Variants in GPRIN1 observed in about 807,000 individuals in gnomAD.
GPRIN1 encodes the protein G protein-regulated inducer of neurite outgrowth 1.
In GPRIN1, 4 loss-of-function variants were observed where a neutral mutation model predicts 2.8. The ratio of observed to expected loss-of-function variants is 1.45; its 90% CI spans 0.71 to 3.32. GPRIN1 has a LOEUF of 3.32. Ranked by LOEUF, GPRIN1 falls within the 30% of genes most tolerant of loss-of-function variation. The probability of loss-of-function intolerance (pLI) is 0.01; values close to 1 mark genes in which losing one functional copy is unlikely to be tolerated. For synonymous variants in GPRIN1, 589 were observed against 589.9 expected, an observed-to-expected ratio of 1.00 and a Z score of 0.02; for missense variants, 1,322 against 1,343.4, an observed-to-expected ratio of 0.98 and a Z score of 0.25.
Position 176,597,690 on chromosome 5 carries a change from C to T in GPRIN1, c.2145G>A (p.Leu715=), listed in dbSNP as rs1425366407. 2 of 1,595,766 alleles carry T rather than the reference C, an allele frequency of 1.3e-6. No individual in the cohort carries two copies. Among genetic ancestry groups the T allele is most frequent in the African/African-American group, 1.3e-5 (1 of 74,304 alleles). ...PSLGKVVPLS[L]EKTKPSSSSR... ...AGGAGGAGGACGGCTTGGTCTTCTC[C>T]AGACTCAGGGGGACCACCTTCCCCA... The change falls in exon 2 of 2, where the codon CTG becomes CTA. Residue 715 remains leucine (L), a synonymous_variant. Transcript: ENST00000303991. This position sits in a 1 kb window ranked among gnomAD's most constrained non-coding sequence, Gnocchi z 6.1.
rs186707193 is a variant in GPRIN1, at chr5:176,598,849, T to C, written c.986A>G (p.Asn329Ser). The part of the protein sequence containing the change: ...GKLIPGSSGK[N>S]GPVSSGTGAP... ...CCCGGTCCCAGAGGATACAGGCCCA[T>C]TCTTGCCTGATGAGCCTGGAATCAG... The change falls in exon 2 of 2, where the codon AAT becomes AGT. Residue 329 changes from asparagine to serine, a missense_variant. This residue lies in a region of GPRIN1 where 1,117 missense variants were observed against 1,128.6 expected (regional missense o/e 0.99). Transcript: ENST00000303991. 5.6e-6 allele frequency: 9 copies of C among 1,613,594 alleles called. No individual in the cohort carries two copies. The East Asian group carries it at 1.8e-4, about 32-fold the overall frequency.
At chr5:176,603,038 C>A (rs1581158403) in intron 1 of GPRIN1, among the ~76,000 whole-genome samples, 1 of 151,688 alleles carries the variant, frequency 6.6e-6, no homozygotes, top group Non-Finnish European at 1.5e-5. Flanking sequence ...CTTTGTGCGC[C>A]CCTTTGTGAT....
intron 1 of GPRIN1, among the ~76,000 whole-genome samples, chr5:176,607,687 G>T (rs888942399): frequency 3.3e-5 from 5 of 151,914 alleles, no homozygotes; most frequent in Admixed American, 6.6e-5. Flanking sequence ...ATCTCATGAG[G>T]GGGGCATTAT....
chr5:176,606,174 C>T (rs1051985567), intron 1 of GPRIN1, among the ~76,000 whole-genome samples: 1 of 152,190 alleles, frequency 6.6e-6, no homozygotes, highest in Non-Finnish European at 1.5e-5. Flanking sequence ...GAACCCACCT[C>T]CTGCTCCCCC....
Position 176,597,152 on chromosome 5 carries a change from A to G in GPRIN1, c.2683T>C (p.Ser895Pro). Reference sequence around the variant, plus strand: ...GGCGCTACAGCGGCCGCCAGCGCTGAGCCGGGCCGCACCCGCACTTCGGGG... The same window carrying G: ...GGCGCTACAGCGGCCGCCAGCGCTGGGCCGGGCCGCACCCGCACTTCGGGG... ...AFPEVRVRPG[S>P]ALAAAVAPPE... Residue 895 changes from serine (S) to proline (P), a missense_variant, in exon 2 of 2, where the codon TCA becomes CCA. Ser to Pro is a moderately conservative substitution (Grantham distance 74, BLOSUM62 -1). Coordinates refer to ENST00000303991, the MANE Select transcript of GPRIN1 (RefSeq NM_052899.3). This position sits in a 1 kb window ranked among gnomAD's most constrained non-coding sequence, Gnocchi z 6.1. 7.0e-7 allele frequency: 1 copy of G among 1,418,954 alleles called. No individual in the cohort carries two copies. The highest frequency in any genetic ancestry group is 9.2e-7 in the Non-Finnish European group (1 of 1,082,962). The allele number at this position is 1,418,954 out of a possible 1,614,324, so 87.9% of individuals were successfully genotyped here. A position where few individuals can be genotyped will look rare whatever the true frequency, so the allele number is the denominator to read the frequency against.
chr5:176,599,623 T>C lies in GPRIN1; in HGVS notation c.212A>G (p.His71Arg). 1.3e-6 allele frequency: 2 copies of C among 1,539,616 alleles called. No homozygotes were observed. The highest frequency in any genetic ancestry group is 2.2e-5 in the Admixed American group (1 of 46,460). ...TTCCCCAGCCCCACTGGGGCTTCTG[T>C]GTCTAGACTCCATGCCTGGGCTTTG... ...PDQSPGMESR[H>R]RSPSGAGEGA... The change falls in exon 2 of 2, where the codon CAC becomes CGC. Residue 71 changes from histidine (H) to arginine (R), a missense_variant. This residue lies in a region of GPRIN1 where 1,117 missense variants were observed against 1,128.6 expected (regional missense o/e 0.99). Coordinates refer to ENST00000303991, the MANE Select transcript of GPRIN1 (RefSeq NM_052899.3).
At position 176,597,142 on chromosome 5, in the gene GPRIN1, G is replaced by A; in HGVS notation, c.2693C>T (p.Ala898Val). ...CGGCTCCGGGGGCGCTACAGCGGCCGCCAGCGCTGAGCCGGGCCGCACCCG... is the reference window on the plus strand; with the variant it reads ...CGGCTCCGGGGGCGCTACAGCGGCCACCAGCGCTGAGCCGGGCCGCACCCG... ...EVRVRPGSAL[A>V]AAVAPPEPAE... The change falls in exon 2 of 2, where the codon GCG (alanine) becomes GTG (valine). Residue 898 changes from alanine to valine, a missense_variant. This residue lies in a region of GPRIN1 where 196 missense variants were observed against 189.2 expected (regional missense o/e 1.04). Coordinates refer to ENST00000303991, the MANE Select transcript of GPRIN1 (RefSeq NM_052899.3). This position sits in a 1 kb window ranked among gnomAD's most constrained non-coding sequence, Gnocchi z 6.1. The A allele has an allele frequency of 2.8e-6, 4 of 1,450,240 alleles. No homozygotes were observed. Among genetic ancestry groups the A allele is most frequent in the Non-Finnish European group, 3.6e-6 (4 of 1,098,110 alleles). 89.8% of individuals were successfully genotyped at this position (1,450,240 alleles called of 1,614,324 possible). A position where few individuals can be genotyped will look rare whatever the true frequency, so the allele number is the denominator to read the frequency against.
rs1561886144 is a variant in GPRIN1 at position 176,597,784 on chromosome 5, CCT to C, written c.2049_2050del (p.Gly684GlufsTer61). On this transcript the variant is annotated frameshift_variant, in exon 2 of 2. Transcript: ENST00000303991. LOFTEE classifies it low-confidence loss of function (END_TRUNC). This position sits in a 1 kb window ranked among gnomAD's most constrained non-coding sequence, Gnocchi z 6.1. ...CCCCAGGGACACAGGCTCTCCCTTC[CCT>C]GAGGCAAGGGGCTCTGCTTTTCTGC... 6.2e-7 allele frequency: 1 copy of C among 1,604,754 alleles called. No individual in the cohort carries two copies. The highest frequency in any genetic ancestry group is 8.5e-7 in the Non-Finnish European group (1 of 1,175,352).
Position 176,596,793 on chromosome 5 carries a change from C to T in GPRIN1, c.*15G>A. The T allele has an allele frequency of 7.0e-7, 1 of 1,425,132 alleles. No individual in the cohort carries two copies. The highest frequency in any genetic ancestry group is 2.5e-5 in the Admixed American group (1 of 39,826). 88.3% of individuals were successfully genotyped at this position (1,425,132 alleles called of 1,614,324 possible). ...TGAGAAGGTCGGAAACTCGGGCGTA[C>T]AAAATGGGGGCAGATCACTCGGCCG... On this transcript the variant is annotated 3_prime_UTR_variant, in exon 2 of 2. Transcript: ENST00000303991. The surrounding 1 kb of genome is among the most constrained non-coding windows in gnomAD (Gnocchi z 5.2).
At position 176,599,754 on chromosome 5, in the gene GPRIN1, G is replaced by T. The variant is rs370708910; in HGVS notation, c.81C>A (p.Phe27Leu). 7 of 1,533,968 alleles carry T rather than the reference G, an allele frequency of 4.6e-6. No homozygotes were observed. The highest frequency in any genetic ancestry group is 6.1e-6 in the Non-Finnish European group (7 of 1,140,670). The change falls in exon 2 of 2, where the codon TTC (phenylalanine) becomes TTA (leucine). Residue 27 changes from phenylalanine (F) to leucine (L), a missense_variant. Physicochemically the swap from Phe to Leu is conservative, Grantham distance 22. Coordinates refer to ENST00000303991, the MANE Select transcript of GPRIN1 (RefSeq NM_052899.3). ...CCAGGCTCCCATCCTGTGGGCAGAA[G>T]AAGGCTGTGGGTCGGGGTCCTGGGG... ...SSPPGPRPTA[F>L]FCPQDGSLGA...
At position 176,602,422 on chromosome 5, in the gene GPRIN1, T is replaced by A. The variant is rs138954994; in HGVS notation, c.-43-2545A>T. 1.3e-5 allele frequency among the ~76,000 whole-genome samples: 2 copies of A among 152,228 alleles called. No individual in the cohort carries two copies. The highest frequency in any genetic ancestry group is 2.9e-5 in the Non-Finnish European group (2 of 68,012). ...GCTCCAGGAGGTGGGGACTTTGCTG[T>A]GCTATCTGATATATCCCAGAGTTGA... On this transcript the variant is annotated intron_variant, in intron 1 of 1. Coordinates refer to ENST00000303991, the MANE Select transcript of GPRIN1 (RefSeq NM_052899.3). The surrounding 1 kb of genome is among the most constrained non-coding windows in gnomAD (Gnocchi z 4.4).
Position 176,597,148 on chromosome 5 carries a change from G to T in GPRIN1, c.2687C>A (p.Ala896Glu), listed in dbSNP as rs777662380. 9 of 1,423,680 alleles carry T rather than the reference G, an allele frequency of 6.3e-6. No homozygotes were observed. In the East Asian group the frequency reaches 2.2e-4, roughly 35 times the overall value. 88.2% of individuals were successfully genotyped at this position (1,423,680 alleles called of 1,614,324 possible). A position where few individuals can be genotyped will look rare whatever the true frequency, so the allele number is the denominator to read the frequency against. The change falls in exon 2 of 2, where the codon GCG becomes GAG. Residue 896 changes from alanine to glutamate, a missense_variant. This residue lies in a region of GPRIN1 where 196 missense variants were observed against 189.2 expected (regional missense o/e 1.04). Transcript: ENST00000303991. This position sits in a 1 kb window ranked among gnomAD's most constrained non-coding sequence, Gnocchi z 6.1. ...CGGGGGCGCTACAGCGGCCGCCAGC[G>T]CTGAGCCGGGCCGCACCCGCACTTC... The part of the protein sequence containing the change: ...FPEVRVRPGS[A>E]LAAAVAPPEP...
At chr5:176,607,936 T>TC (rs1759247949) in intron 1 of GPRIN1, among the ~76,000 whole-genome samples, 1 of 86,128 alleles carries the variant, frequency 1.2e-5, no homozygotes, top group Non-Finnish European at 2.3e-5. Context: ...TTTTTTTTTT[T>TC]TTTTCTGAAG....
rs200519605 is a variant in GPRIN1, at chr5:176,599,132, G to A, written c.703C>T (p.Pro235Ser). The A allele has an allele frequency of 1.2e-6, 1 of 860,084 alleles. No homozygotes were observed. The allele number at this position is 860,084 out of a possible 1,614,324, so 53.3% of individuals were successfully genotyped here. The change falls in exon 2 of 2, where the codon CCT becomes TCT. Residue 235 changes from proline (P) to serine (S), a missense_variant. By Grantham distance (74) the Pro-to-Ser change is moderately conservative. Transcript: ENST00000303991. ...GGATCCACCTTTCTCAAAGACCCAGGATCCTCCTTCCTCGGTGACACTGTA... is the reference window on the plus strand; with the variant it reads ...GGATCCACCTTTCTCAAAGACCCAGAATCCTCCTTCCTCGGTGACACTGTA... ...TYTVSPRKED[P>S]GSLRKVDPVS... is the part of the protein sequence containing the mutation.
Position 176,599,757 on chromosome 5 carries a change from G to A in GPRIN1, c.78C>T (p.Ala26=). The change falls in exon 2 of 2, where the codon GCC becomes GCT. Residue 26 remains alanine (A), a synonymous_variant. Coordinates refer to ENST00000303991, the MANE Select transcript of GPRIN1 (RefSeq NM_052899.3). Reference sequence around the variant, plus strand: ...GGCTCCCATCCTGTGGGCAGAAGAAGGCTGTGGGTCGGGGTCCTGGGGGGC... The same window carrying A: ...GGCTCCCATCCTGTGGGCAGAAGAAAGCTGTGGGTCGGGGTCCTGGGGGGC... The part of the protein sequence containing the change: ...DSSPPGPRPT[A]FFCPQDGSLG... The A allele has an allele frequency of 1.3e-6, 2 of 1,531,534 alleles. No homozygotes were observed. The highest frequency in any genetic ancestry group is 8.8e-7 in the Non-Finnish European group (1 of 1,139,324). The allele number at this position is 1,531,534 out of a possible 1,614,324, so 94.9% of individuals were successfully genotyped here. A position where few individuals can be genotyped will look rare whatever the true frequency, so the allele number is the denominator to read the frequency against.
chr5:176,597,954 C>G lies in GPRIN1; in HGVS notation c.1881G>C (p.Ser627=), dbSNP rs369834246. 234 of 1,613,906 alleles carry G rather than the reference C, an allele frequency of 1.4e-4. No individual in the cohort carries two copies. Among genetic ancestry groups the G allele is most frequent in the Admixed American group, 2.7e-4 (16 of 60,004 alleles). ...VTTTKADPRA[S]GKAQPQSGGK... ...CACCAGACTGCGGCTGTGCTTTCCC[C>G]GAGGCCCTGGGATCCGCCTTTGTGG... Residue 627 remains serine (S), a synonymous_variant, in exon 2 of 2, where the codon TCG becomes TCC. Coordinates refer to ENST00000303991, the MANE Select transcript of GPRIN1 (RefSeq NM_052899.3). The surrounding 1 kb of genome is among the most constrained non-coding windows in gnomAD (Gnocchi z 6.1).
At chr5:176,600,155 T>G (rs1304290216) in intron 1 of GPRIN1, among the ~76,000 whole-genome samples, 1 of 152,208 alleles carries the variant, frequency 6.6e-6, no homozygotes, top group Non-Finnish European at 1.5e-5. Context: ...AGTTTCGCTC[T>G]TGTTGCCCAG....
In GPRIN1 at chr5:176,597,187, G is replaced by A. The variant is rs750931036; in HGVS notation, c.2648C>T (p.Pro883Leu). 3.8e-6 allele frequency: 5 copies of A among 1,327,580 alleles called. No individual in the cohort carries two copies. In the East Asian group the frequency reaches 8.8e-5, roughly 23 times the overall value. 82.2% of individuals were successfully genotyped at this position (1,327,580 alleles called of 1,614,324 possible). A position where few individuals can be genotyped will look rare whatever the true frequency, so the allele number is the denominator to read the frequency against. ...TGPMTPQAAA[P>L]PAFPEVRVRP... is the part of the protein sequence containing the mutation. Reference sequence around the variant, plus strand: ...CACCCGCACTTCGGGGAAGGCGGGCGGCGCGGCGGCTTGAGGTGTCATGGG... The same window carrying A: ...CACCCGCACTTCGGGGAAGGCGGGCAGCGCGGCGGCTTGAGGTGTCATGGG... Residue 883 changes from proline (P) to leucine (L), a missense_variant, in exon 2 of 2, where the codon CCG (proline) becomes CTG (leucine). By Grantham distance (98) the Pro-to-Leu change is moderately conservative (BLOSUM62 -3). This residue lies in a region of GPRIN1 where 9 missense variants were observed against 25.6 expected (regional missense o/e 0.35). Transcript: ENST00000303991. This position sits in a 1 kb window ranked among gnomAD's most constrained non-coding sequence, Gnocchi z 6.1.
chr5:176,597,720 T>C lies in GPRIN1; in HGVS notation c.2115A>G (p.Pro705=), dbSNP rs746795662. The C allele has an allele frequency of 2.5e-6, 4 of 1,597,578 alleles. No individual in the cohort carries two copies. The highest frequency in any genetic ancestry group is 3.5e-5 in the Admixed American group (2 of 57,292). ...TCAGGGGGACCACCTTCCCCAAGGATGGGGACTCCGTTTTTCTGGAAGGTG... is the reference window on the plus strand; with the variant it reads ...TCAGGGGGACCACCTTCCCCAAGGACGGGGACTCCGTTTTTCTGGAAGGTG... The part of the protein sequence containing the change: ...DSAPSRKTES[P]SLGKVVPLSL... Residue 705 remains proline (P), a synonymous_variant, in exon 2 of 2, where the codon CCA becomes CCG. Coordinates refer to ENST00000303991, the MANE Select transcript of GPRIN1 (RefSeq NM_052899.3). This position sits in a 1 kb window ranked among gnomAD's most constrained non-coding sequence, Gnocchi z 6.1.
Sources: gnomAD v4.1 joint callset for allele counts (sites outside exome capture counted in the v4.1 genomes callset) on GRCh38, gnomAD v4.1.1 for gene constraint, gnomAD v4.1.1 regional missense constraint, Gnocchi (gnomAD v3.1) non-coding constraint, MANE v1.5 for transcripts, NCBI Gene and HGNC (gene_info 2026-07-23, HGNC 2026-07-21) for gene names.